LHFPL3: variants seen among roughly 807,000 people sequenced by gnomAD.
LHFPL3 encodes LHFPL tetraspan subfamily member 3 protein.
LHFPL3 carries 5 observed loss-of-function variants against 19.3 expected under a neutral mutation model. The observed-to-expected ratio is 0.26, with a 90% CI of 0.14 to 0.54. The LOEUF is 0.54. Ranked by LOEUF, LHFPL3 falls within the 20% of genes least tolerant of loss-of-function variation. The probability of loss-of-function intolerance (pLI) is 0.94; values close to 1 mark genes in which losing one functional copy is unlikely to be tolerated. For missense variants in LHFPL3, 249 were observed against 307.4 expected (o/e 0.81, Z 1.42); for synonymous variants, 133 against 126.2 (o/e 1.05, Z -0.36).
chr7:104,634,746 C>T (rs1038871121), intron 1 of LHFPL3, among the ~76,000 whole-genome samples: 4 of 152,152 alleles, frequency 2.6e-5, no homozygotes, highest in Non-Finnish European at 4.4e-5. Flanking sequence ...GATATCTCCC[C>T]AGAAGGCCAG....
intron 1 of LHFPL3, among the ~76,000 whole-genome samples, chr7:104,432,461 G>A (rs539366552): frequency 6.6e-6 from 1 of 151,978 alleles, no homozygotes; most frequent in South Asian, 2.1e-4. Flanking sequence ...CTTCCTCTTC[G>A]GGCCATTCCT....
In LHFPL3 at chr7:104,386,444, C is replaced by G. The variant is rs574204223; in HGVS notation, c.445+57220C>G. On this transcript the variant is annotated intron_variant, in intron 1 of 2. Transcript: ENST00000424859. Reference sequence around the variant, plus strand: ...CAAGAGCCTGATTAAAAGAGCCTGGCTAAAAACCTAAAAGGAAGATGAGAG... The same window carrying G: ...CAAGAGCCTGATTAAAAGAGCCTGGGTAAAAACCTAAAAGGAAGATGAGAG... Among the ~76,000 whole-genome samples, 3 of 152,210 alleles carry G rather than the reference C, an allele frequency of 2.0e-5. No individual in the cohort carries two copies. In the East Asian group the frequency reaches 5.8e-4, roughly 29 times the overall value.
chr7:104,416,606 C>T (rs1791627843), intron 1 of LHFPL3, among the ~76,000 whole-genome samples: 1 of 152,176 alleles, frequency 6.6e-6, no homozygotes, highest in Non-Finnish European at 1.5e-5. Context: ...GTTTCTATAG[C>T]CTCTCAGAAA....
At chr7:104,874,788 C>G (rs1367310206) in intron 2 of LHFPL3, among the ~76,000 whole-genome samples, 2 of 152,002 alleles carry the variant, frequency 1.3e-5, no homozygotes, top group African/African-American at 4.8e-5. Context: ...CCTACTAATT[C>G]AGGCTCATTC....
chr7:104,741,024 G>A (rs910624286), intron 2 of LHFPL3, among the ~76,000 whole-genome samples: 2 of 152,152 alleles, frequency 1.3e-5, no homozygotes, highest in South Asian at 2.1e-4. Context: ...AGAGTCTTTA[G>A]ATGAAAGGGA....
intron 1 of LHFPL3, among the ~76,000 whole-genome samples, chr7:104,714,691 C>T (rs529491347): frequency 6.6e-6 from 1 of 152,120 alleles, no homozygotes; most frequent in East Asian, 1.9e-4. Flanking sequence ...TTATCTGGAA[C>T]CCCACCATGC....
In LHFPL3 at chr7:104,342,748, A is replaced by G. The variant is rs115789209; in HGVS notation, c.445+13524A>G. On this transcript the variant is annotated intron_variant, in intron 1 of 2. Transcript: ENST00000424859. Reference sequence around the variant, plus strand: ...TTAAGCCTCACCAGAATTTTCCCTCATTAGCCCCAGTGCCCTGCTATGGCC... The same window carrying G: ...TTAAGCCTCACCAGAATTTTCCCTCGTTAGCCCCAGTGCCCTGCTATGGCC... Among the ~76,000 whole-genome samples, 809 of 152,294 alleles carry G rather than the reference A, an allele frequency of 5.3e-3. 10 individuals are homozygous for G. The highest frequency in any genetic ancestry group is 0.018 in the African/African-American group (757 of 41,566).
chr7:104,408,092 C>T (rs1791454874), intron 1 of LHFPL3, among the ~76,000 whole-genome samples: 2 of 152,118 alleles, frequency 1.3e-5, no homozygotes, highest in African/African-American at 4.8e-5. Flanking sequence ...ATTTATTGGA[C>T]TATCTGCTTG....
chr7:104,540,311 G>A (rs1180932294), intron 1 of LHFPL3, among the ~76,000 whole-genome samples: 1 of 152,178 alleles, frequency 6.6e-6, no homozygotes, highest in African/African-American at 2.4e-5. Context: ...GGACAGAAAA[G>A]TCTAGAGCAA....
intron 1 of LHFPL3, among the ~76,000 whole-genome samples, chr7:104,634,719 A>G (rs1791701399): frequency 6.6e-6 from 1 of 152,160 alleles, no homozygotes; most frequent in Non-Finnish European, 1.5e-5. Flanking sequence ...ACAAAGAACT[A>G]CAGGTCCTTA....
intron 2 of LHFPL3, among the ~76,000 whole-genome samples, chr7:104,855,476 A>G (rs1029162552): frequency 6.6e-6 from 1 of 152,174 alleles, no homozygotes; most frequent in Non-Finnish European, 1.5e-5. Context: ...GTGTTGCAGA[A>G]TATTTCTTCC....
chr7:104,668,929 G>A (rs1792418379), intron 1 of LHFPL3: 11 of 1,612,346 alleles, frequency 6.8e-6, no homozygotes, highest in Non-Finnish European at 9.3e-6. Flanking sequence ...GCCAAAACTA[G>A]AACGACGGCC....
At chr7:104,457,536 C>T (rs1394152602) in intron 1 of LHFPL3, among the ~76,000 whole-genome samples, 2 of 151,172 alleles carry the variant, frequency 1.3e-5, no homozygotes, top group African/African-American at 4.9e-5. Context: ...TGGGTTGGTT[C>T]CAAGTCTTTG....
intron 1 of LHFPL3, among the ~76,000 whole-genome samples, chr7:104,700,895 C>T (rs775893031): frequency 6.6e-6 from 1 of 152,180 alleles, no homozygotes; most frequent in Non-Finnish European, 1.5e-5. Flanking sequence ...CCTAACTGTA[C>T]CAATTTATCT....
chr7:104,657,772 C>T (rs1044749304), intron 1 of LHFPL3, among the ~76,000 whole-genome samples: 2 of 152,208 alleles, frequency 1.3e-5, no homozygotes, highest in Non-Finnish European at 2.9e-5. Flanking sequence ...CTTCCCCTTC[C>T]CAACTCAGAA....
intron 1 of LHFPL3, among the ~76,000 whole-genome samples, chr7:104,599,256 A>C (rs1361907011): frequency 6.6e-6 from 1 of 152,232 alleles, no homozygotes; most frequent in Admixed American, 6.5e-5. Flanking sequence ...TAAACACATA[A>C]ATATAGAATA....
chr7:104,526,000 G>T (rs1311084938), intron 1 of LHFPL3, among the ~76,000 whole-genome samples: 2 of 152,090 alleles, frequency 1.3e-5, no homozygotes, highest in Non-Finnish European at 2.9e-5. Flanking sequence ...TGCTGGAAGA[G>T]CCTTGTTCCC....
chr7:104,850,796 C>T lies in LHFPL3; in HGVS notation c.683-55391C>T, dbSNP rs374051119. On this transcript the variant is annotated intron_variant, in intron 2 of 2. Coordinates refer to ENST00000424859, the MANE Select transcript of LHFPL3 (RefSeq NM_199000.3). ...TGATTCTGAGATACCCCCCCACCCC[C>T]GCCAAGGTTTGAGAGCCACTGCTCC... Among the ~76,000 whole-genome samples the T allele has an allele frequency of 6.5e-4, 99 of 152,180 alleles. 1 individual carries two copies. Among genetic ancestry groups the T allele is most frequent in the African/African-American group, 2.3e-3 (97 of 41,514 alleles).
At chr7:104,899,442 C>A (rs554223474) in intron 2 of LHFPL3, among the ~76,000 whole-genome samples, 1 of 151,788 alleles carries the variant, frequency 6.6e-6, no homozygotes, top group African/African-American at 2.4e-5. Flanking sequence ...GGAGAAAGAA[C>A]ACCTGTGGGA....
Sources: allele counts gnomAD v4.1 joint callset (sites outside exome capture counted in the v4.1 genomes callset), GRCh38; gene constraint gnomAD v4.1.1; transcripts MANE v1.5; gene names NCBI Gene and HGNC (gene_info 2026-07-23, HGNC 2026-07-21).